ARHGAP29: variants seen among roughly 807,000 people sequenced by gnomAD.
ARHGAP29 encodes the protein Rho GTPase activating protein 29, also known as rho GTPase-activating protein 29.
Under a neutral mutation model 122.6 loss-of-function variants are expected in ARHGAP29, and 43 were observed. That is an observed-to-expected ratio of 0.35 (90% CI 0.27 to 0.45). The LOEUF (loss-of-function observed/expected upper bound fraction) is 0.45. Among genes scored for constraint, ARHGAP29 ranks in the 20% least tolerant of loss-of-function variants. The pLI is 1.00. For missense variants in ARHGAP29, 1,303 were observed against 1,477.2 expected (o/e 0.88, Z 1.93); for synonymous variants, 506 against 497.1 (o/e 1.02, Z -0.24).
At chr1:94,263,438 T>C (rs1052464581) in intron 1 of ARHGAP29, among the ~76,000 whole-genome samples, 10 of 151,854 alleles carry the variant, frequency 6.6e-5, no homozygotes, top group African/African-American at 2.4e-4. Flanking sequence ...GGTTTTCATC[T>C]GCAATCAGAA....
At chr1:94,313,329 G>C in the ARHGAP29 span, among the ~76,000 whole-genome samples, 1 of 152,120 alleles carries the variant, frequency 6.6e-6, no homozygotes, top group Admixed American at 6.6e-5. Context: ...CCCTGACTAA[G>C]AAACAAGACC....
rs576610522 is a variant in ARHGAP29 at position 94,176,192 on chromosome 1, C to G, written c.2905+1420G>C. ...TGCCTGGGTCCTGGCTCAGCCCTGC[C>G]TGCCACTTCTGCACTGGGCTAGGCA... On this transcript the variant is annotated intron_variant, in intron 22 of 22. Coordinates refer to ENST00000260526, the MANE Select transcript of ARHGAP29 (RefSeq NM_004815.4). 5.9e-5 allele frequency among the ~76,000 whole-genome samples: 9 copies of G among 152,338 alleles called. No homozygotes were observed. The East Asian group carries it at 1.7e-3, about 29-fold the overall frequency.
the ARHGAP29 span, among the ~76,000 whole-genome samples, chr1:94,292,160 C>CT: frequency 9.9e-5 from 15 of 152,132 alleles, no homozygotes; most frequent in African/African-American, 3.4e-4. Flanking sequence ...TCTTTTCACT[C>CT]TTTTTTCTCT....
At chr1:94,239,800 C>T (rs1398215361), upstream of ARHGAP29, among the ~76,000 whole-genome samples, 2 of 152,110 alleles carry the variant, frequency 1.3e-5, no homozygotes, top group Non-Finnish European at 2.9e-5. Context: ...ACATAAGAAT[C>T]CAAGGCTCCT....
At chr1:94,259,728 T>C (rs757535177) in intron 1 of ARHGAP29, among the ~76,000 whole-genome samples, 23 of 152,190 alleles carry the variant, frequency 1.5e-4, no homozygotes, top group Admixed American at 5.2e-4. Context: ...TCCAGAACTG[T>C]GAGAGAATCC....
the ARHGAP29 span, among the ~76,000 whole-genome samples, chr1:94,309,565 G>T: frequency 2.0e-5 from 3 of 152,188 alleles, no homozygotes; most frequent in African/African-American, 7.2e-5. Context: ...CAAAGGAATA[G>T]ATCAGTAGCT....
chr1:94,219,364 A>C (rs571890468), intron 3 of ARHGAP29, among the ~76,000 whole-genome samples: 2 of 152,048 alleles, frequency 1.3e-5, no homozygotes, highest in African/African-American at 4.8e-5. Context: ...TCCTCTACTT[A>C]CTCTGCACAC....
chr1:94,296,475 C>T, the ARHGAP29 span, among the ~76,000 whole-genome samples: 1 of 152,162 alleles, frequency 6.6e-6, no homozygotes, highest in Non-Finnish European at 1.5e-5. Context: ...GGTAAGTACG[C>T]ACAGGAAAAA....
intron 2 of ARHGAP29, among the ~76,000 whole-genome samples, chr1:94,225,053 T>C (rs1196859096): frequency 6.6e-6 from 1 of 152,150 alleles, no homozygotes; most frequent in Non-Finnish European, 1.5e-5. Flanking sequence ...AACTTTTCTA[T>C]ATATTTGGGC....
Position 94,169,611 on chromosome 1 carries a change from A to C in ARHGAP29, c.*4258T>G. Among the ~76,000 whole-genome samples the C allele has an allele frequency of 6.7e-6, 1 of 149,430 alleles. No homozygotes were observed. The highest frequency in any genetic ancestry group is 6.6e-5 in the Admixed American group (1 of 15,196). On this transcript the variant is annotated 3_prime_UTR_variant, in exon 23 of 23. Transcript: ENST00000260526. ...ATATAAATAGATATAGAAGTAGGTG[A>C]CTATTCTTGAATGTGTGTAGACACA... is the stretch of plus-strand genomic sequence containing the variant.
the ARHGAP29 span, among the ~76,000 whole-genome samples, chr1:94,288,138 C>G: frequency 0.047 from 7,228 of 152,256 alleles, 597 homozygotes; most frequent in African/African-American, 0.17. Context: ...TTCTATTTCT[C>G]CACATCCTCT....
rs766931230 is a variant in ARHGAP29, at chr1:94,231,605, C to T, written c.7G>A (p.Ala3Thr). Residue 3 changes from alanine to threonine, a missense_variant, in exon 2 of 23, where the codon GCT becomes ACT. Ala to Thr is a moderately conservative substitution (Grantham distance 58, BLOSUM62 0). Transcript: ENST00000260526. MI[A>T]HKQKKTKKKR... Reference sequence around the variant, plus strand: ...TTCTTTGTCTTTTTCTGTTTGTGAGCAATCATCCTTTCATGTAACAGTCAG... The same window carrying T: ...TTCTTTGTCTTTTTCTGTTTGTGAGTAATCATCCTTTCATGTAACAGTCAG... 4 of 1,612,548 alleles carry T rather than the reference C, an allele frequency of 2.5e-6. No individual in the cohort carries two copies. In the Admixed American group the frequency reaches 5.0e-5, roughly 20 times the overall value.
chr1:94,225,906 A>T (rs1165166533), intron 2 of ARHGAP29, among the ~76,000 whole-genome samples: 1 of 151,942 alleles, frequency 6.6e-6, no homozygotes, highest in Admixed American at 6.6e-5. Context: ...AGTAATCTGA[A>T]TTTTAATTTA....
rs964565578 is a variant in ARHGAP29, at chr1:94,173,042, A to C, written c.*827T>G. ...AATGCACTGAATTCAAAAACTTCTGAAACAGGCATTTTTTGGACCATTTAT... is the reference window on the plus strand; with the variant it reads ...AATGCACTGAATTCAAAAACTTCTGCAACAGGCATTTTTTGGACCATTTAT... On this transcript the variant is annotated 3_prime_UTR_variant, in exon 23 of 23. Transcript: ENST00000260526. The C allele has an allele frequency of 6.5e-6, 1 of 152,770 alleles. No individual in the cohort carries two copies. Among genetic ancestry groups the C allele is most frequent in the East Asian group, 1.9e-4 (1 of 5,190 alleles). 9.5% of individuals were successfully genotyped at this position (152,770 alleles called of 1,614,324 possible). A position where few individuals can be genotyped will look rare whatever the true frequency, so the allele number is the denominator to read the frequency against.
intron 1 of ARHGAP29, chr1:94,249,652 G>A (rs1439637489): frequency 6.6e-6 from 1 of 152,154 alleles, no homozygotes; most frequent in Admixed American, 6.6e-5. Context: ...TTGGGAGGCG[G>A]AGGCAAGAGA....
rs778541212 is a variant in ARHGAP29, at chr1:94,177,730, C to A, written c.2797-10G>T. Reference sequence around the variant, plus strand: ...CTGAAGTATGGATATCCTGTTGATGCAAGATAATTTTTAAAATGGAAGAAG... The same window carrying A: ...CTGAAGTATGGATATCCTGTTGATGAAAGATAATTTTTAAAATGGAAGAAG... On this transcript the variant is annotated splice_polypyrimidine_tract_variant and intron_variant, in intron 21 of 22. Transcript: ENST00000260526. The A allele has an allele frequency of 3.1e-6, 5 of 1,598,352 alleles. No homozygotes were observed. The Admixed American group carries it at 8.7e-5, about 28-fold the overall frequency.
chr1:94,272,251 C>G (rs1486385650), intron 1 of ARHGAP29, among the ~76,000 whole-genome samples: 1 of 152,182 alleles, frequency 6.6e-6, no homozygotes, highest in East Asian at 1.9e-4. Flanking sequence ...CACTTTGGCT[C>G]TAAGACTAAC....
chr1:94,253,195 T>G (rs2100699166), intron 1 of ARHGAP29, among the ~76,000 whole-genome samples: 1 of 152,208 alleles, frequency 6.6e-6, no homozygotes, highest in East Asian at 1.9e-4. Context: ...GGTCTTGATC[T>G]CCTGAGCTAG....
At chr1:94,226,581 G>A (rs946451346) in intron 2 of ARHGAP29, among the ~76,000 whole-genome samples, 1 of 151,562 alleles carries the variant, frequency 6.6e-6, no homozygotes, top group Non-Finnish European at 1.5e-5. Flanking sequence ...AGTACTCTGC[G>A]ATCTGCAATT....
Sources: gnomAD v4.1 joint callset for allele counts (sites outside exome capture counted in the v4.1 genomes callset) on GRCh38, gnomAD v4.1.1 for gene constraint, MANE v1.5 for transcripts, NCBI Gene and HGNC (gene_info 2026-07-23, HGNC 2026-07-21) for gene names.